CTTNBP2: variants seen among roughly 807,000 people sequenced by gnomAD.
The protein encoded by CTTNBP2 is cortactin binding protein 2.
In CTTNBP2, 108 loss-of-function variants were observed where a neutral mutation model predicts 156.9. That is an observed-to-expected ratio of 0.69 (90% CI 0.59 to 0.81). The LOEUF is 0.81. CTTNBP2 is among the 30% of genes least tolerant of loss of function. The probability of loss-of-function intolerance (pLI) is 0.00; values close to 1 mark genes in which losing one functional copy is unlikely to be tolerated. For synonymous variants in CTTNBP2, 767 were observed against 751.8 expected (o/e 1.02, Z -0.33); for missense variants, 1,924 against 2,035.4 (o/e 0.95, Z 1.05).
At chr7:117,718,330 G>T (rs1794577524) in intron 21 of CTTNBP2, among the ~76,000 whole-genome samples, 2 of 151,842 alleles carry the variant, frequency 1.3e-5, no homozygotes, top group Non-Finnish European at 2.9e-5. Flanking sequence ...TAAGGAAAAA[G>T]AATCCACTTA....
chr7:117,795,753 TTCTA>T (rs889633251), intron 3 of CTTNBP2, among the ~76,000 whole-genome samples: 3 of 152,220 alleles, frequency 2.0e-5, no homozygotes, highest in Non-Finnish European at 4.4e-5. Flanking sequence ...TGTAATTCTT[TTCTA>T]TCTTTGTCCT....
rs1469602625 is a variant in CTTNBP2 at position 117,718,067 on chromosome 7, G to A, written c.4697C>T (p.Pro1566Leu). The A allele has an allele frequency of 6.2e-7, 1 of 1,613,544 alleles. No homozygotes were observed. Among genetic ancestry groups the A allele is most frequent in the African/African-American group, 1.3e-5 (1 of 75,014 alleles). Residue 1566 changes from proline (P) to leucine (L), a missense_variant, in exon 22 of 23, where the codon CCT (proline) becomes CTT (leucine). Coordinates refer to ENST00000160373, the MANE Select transcript of CTTNBP2 (RefSeq NM_033427.3). ...ATTATTAATAGTTGCTGAAAGTACA[G>A]GGTTGTTTCCAGAACTATCAAACAT... ...LRMFDSSGNN[P>L]VLSATINNLR...
intron 3 of CTTNBP2, among the ~76,000 whole-genome samples, chr7:117,802,601 C>T (rs1799695253): frequency 6.6e-6 from 1 of 151,886 alleles, no homozygotes; most frequent in Admixed American, 6.6e-5. Context: ...TGAGTAAACA[C>T]TCTAAAAGAT....
intron 11 of CTTNBP2, 93 bp from the exon 12 acceptor site, chr7:117,756,727 GT>G (rs1796906495): frequency 1.8e-5 from 16 of 900,340 alleles, no homozygotes; most frequent in Non-Finnish European, 3.0e-5. Context: ...AGATGAATGT[GT>G]TTGTTGACTT....
intron 3 of CTTNBP2, among the ~76,000 whole-genome samples, chr7:117,803,244 A>G (rs1026371187): frequency 6.6e-6 from 1 of 152,238 alleles, no homozygotes. Context: ...CTTTGCAGCA[A>G]CATGGATGCA....
intron 1 of CTTNBP2, among the ~76,000 whole-genome samples, chr7:117,865,631 C>T (rs1804124850): frequency 7.2e-6 from 1 of 139,230 alleles, no homozygotes; most frequent in Non-Finnish European, 1.5e-5. Context: ...GAGCAGAGAT[C>T]GTGCCACTCC....
At chr7:117,719,888 C>T (rs1031994496) in intron 20 of CTTNBP2, among the ~76,000 whole-genome samples, 7 of 152,068 alleles carry the variant, frequency 4.6e-5, no homozygotes, top group African/African-American at 1.7e-4. Context: ...TTCCAAGCTC[C>T]TTATTCTTGC....
At position 117,850,303 on chromosome 7, in the gene CTTNBP2, C is replaced by T. The variant is rs191645898; in HGVS notation, c.189+10906G>A. On this transcript the variant is annotated intron_variant, in intron 2 of 22. Transcript: ENST00000160373. ...ATGTATATGGTTTGGTTCAAGGCTG[C>T]AGTGTGCTATGGTCGTGCCATTGCA... Among the ~76,000 whole-genome samples, 821 of 152,328 alleles carry T rather than the reference C, an allele frequency of 5.4e-3. 4 individuals are homozygous for T. Among genetic ancestry groups the T allele is most frequent in the Non-Finnish European group, 6.9e-3 (468 of 68,038 alleles).
At chr7:117,757,252 T>G (rs1445731957) in intron 11 of CTTNBP2, among the ~76,000 whole-genome samples, 1 of 152,142 alleles carries the variant, frequency 6.6e-6, no homozygotes, top group East Asian at 1.9e-4. Context: ...CATGATGAAA[T>G]CCATAGCTGT....
Position 117,711,639 on chromosome 7 carries a change from G to T in CTTNBP2, c.4890C>A (p.Ser1630Arg), listed in dbSNP as rs769955229. ...VTQCSQNTKR[S>R]SSSSNTRQIE... is the part of the protein sequence containing the mutation. The stretch of plus-strand genomic sequence containing the variant: ...TTTGCCTTGTATTACTGCTGCTGCT[G>T]CTTCTTTTGGTGTTCTGGGAACACT... The change falls in exon 23 of 23, where the codon AGC (serine) becomes AGA (arginine). Residue 1630 changes from serine (S) to arginine (R), a missense_variant. Ser to Arg is a moderately radical substitution (Grantham distance 110). Coordinates refer to ENST00000160373, the MANE Select transcript of CTTNBP2 (RefSeq NM_033427.3). 6.2e-7 allele frequency: 1 copy of T among 1,613,888 alleles called. No individual in the cohort carries two copies. Among genetic ancestry groups the T allele is most frequent in the Non-Finnish European group, 8.5e-7 (1 of 1,179,966 alleles).
At chr7:117,822,160 T>C (rs1445722202) in intron 2 of CTTNBP2, among the ~76,000 whole-genome samples, 2 of 152,206 alleles carry the variant, frequency 1.3e-5, no homozygotes, top group Non-Finnish European at 2.9e-5. Flanking sequence ...TGCCTATTTA[T>C]CTAAGTTGTC....
intron 8 of CTTNBP2, among the ~76,000 whole-genome samples, chr7:117,773,780 G>T (rs1262490245): frequency 6.6e-6 from 1 of 151,590 alleles, no homozygotes; most frequent in African/African-American, 2.4e-5. Flanking sequence ...TGAGAAAAGG[G>T]CAGTGTTCTG....
chr7:117,761,489 TC>T lies in CTTNBP2; in HGVS notation c.2897-780del, dbSNP rs1797215352. On this transcript the variant is annotated intron_variant, in intron 9 of 22. Transcript: ENST00000160373. ...GTGTTTGTTTCCAAATATTCTATGT[TC>T]ATTGAACTGATGACTATAATTATTG... Among the ~76,000 whole-genome samples the T allele has an allele frequency of 2.0e-5, 3 of 152,360 alleles. No individual in the cohort carries two copies. The South Asian group carries it at 6.2e-4, about 32-fold the overall frequency.
intron 12 of CTTNBP2, among the ~76,000 whole-genome samples, chr7:117,750,376 C>T (rs1021080618): frequency 2.6e-4 from 39 of 152,194 alleles, no homozygotes; most frequent in African/African-American, 9.2e-4. Context: ...AGGCCATTCA[C>T]TAGATGTAAG....
At chr7:117,772,871 G>A (rs761969275) in intron 8 of CTTNBP2, among the ~76,000 whole-genome samples, 1 of 152,172 alleles carries the variant, frequency 6.6e-6, no homozygotes, top group African/African-American at 2.4e-5. Flanking sequence ...GAGAGGTGGA[G>A]CACGACCCTG....
intron 2 of CTTNBP2, among the ~76,000 whole-genome samples, chr7:117,853,657 T>G (rs747384149): frequency 2.6e-5 from 4 of 152,174 alleles, no homozygotes; most frequent in Non-Finnish European, 5.9e-5. Flanking sequence ...CTTCATAGTA[T>G]ACAAAAATAT....
At chr7:117,860,412 G>A (rs865824519) in intron 2 of CTTNBP2, among the ~76,000 whole-genome samples, 15 of 151,166 alleles carry the variant, frequency 9.9e-5, no homozygotes, top group Admixed American at 2.6e-4. Context: ...GCGTGATCTC[G>A]ACTCACCGCA....
At chr7:117,790,800 A>G (rs909015824) in intron 4 of CTTNBP2, among the ~76,000 whole-genome samples, 5 of 152,214 alleles carry the variant, frequency 3.3e-5, no homozygotes, top group African/African-American at 1.2e-4. Flanking sequence ...ATAAATATTT[A>G]ATAAGAAGGA....
Position 117,861,143 on chromosome 7 carries a change from T to C in CTTNBP2, c.189+66A>G, listed in dbSNP as rs568995126. 104 of 903,256 alleles carry C rather than the reference T, an allele frequency of 1.2e-4. No homozygotes were observed. In the Admixed American group the frequency reaches 2.5e-3, roughly 22 times the overall value. The allele number at this position is 903,256 out of a possible 1,614,324, so 56.0% of individuals were successfully genotyped here. A position where few individuals can be genotyped will look rare whatever the true frequency, so the allele number is the denominator to read the frequency against. ...ATTCAAAAATTAAGAAAAAGAAGGT[T>C]TGCCAATGGCTCTTTGAAAAAAGCA... On this transcript the variant is annotated intron_variant, in intron 2 of 22. Coordinates refer to ENST00000160373, the MANE Select transcript of CTTNBP2 (RefSeq NM_033427.3).
Sources: allele counts gnomAD v4.1 joint callset (sites outside exome capture counted in the v4.1 genomes callset), GRCh38; gene constraint gnomAD v4.1.1; transcripts MANE v1.5; gene names NCBI Gene and HGNC (gene_info 2026-07-23, HGNC 2026-07-21).